The following SPAG16 variants were observed in gnomAD, a reference collection of about 807,000 sequenced individuals.
SPAG16 encodes the protein sperm-associated antigen 16 protein.
Under a neutral mutation model 80.4 loss-of-function variants are expected in SPAG16, and 86 were observed. That is an observed-to-expected ratio of 1.07 (90% confidence interval 0.90 to 1.28). The LOEUF (loss-of-function observed/expected upper bound fraction) is 1.28. Ranked by LOEUF, SPAG16 falls within the 50% of genes most tolerant of loss-of-function variation. The pLI is 0.00. For synonymous variants in SPAG16, 294 were observed against 265.9 expected, an observed-to-expected ratio of 1.11 and a Z score of -1.03; for missense variants, 870 against 765.3, an observed-to-expected ratio of 1.14 and a Z score of -1.61.
chr2:214,251,020 G>A (rs1690254329), intron 15 of SPAG16, among the ~76,000 whole-genome samples: 1 of 151,216 alleles, frequency 6.6e-6, no homozygotes, highest in African/African-American at 2.4e-5. Flanking sequence ...TGCACATAAA[G>A]CACTATTGTT....
At chr2:213,398,366 G>A (rs1282068645) in intron 9 of SPAG16, among the ~76,000 whole-genome samples, 1 of 152,064 alleles carries the variant, frequency 6.6e-6, no homozygotes, top group Non-Finnish European at 1.5e-5. Flanking sequence ...TTACAGGTAA[G>A]GTCATTATAA....
intron 15 of SPAG16, among the ~76,000 whole-genome samples, chr2:214,380,738 A>AATG (rs1198872537): frequency 1.3e-5 from 2 of 152,234 alleles, no homozygotes; most frequent in African/African-American, 4.8e-5. Context: ...ACAGAATAGA[A>AATG]ATGATAAGCA....
chr2:213,579,298 G>T (rs997409328), intron 10 of SPAG16, among the ~76,000 whole-genome samples: 2 of 152,100 alleles, frequency 1.3e-5, no homozygotes, highest in African/African-American at 4.8e-5. Flanking sequence ...AAGGGTGATG[G>T]CAGCTATTTC....
intron 10 of SPAG16, among the ~76,000 whole-genome samples, chr2:213,500,011 A>G (rs1167413756): frequency 3.9e-5 from 6 of 152,116 alleles, no homozygotes; most frequent in Non-Finnish European, 5.9e-5. Context: ...ACAGCCAGTT[A>G]ACCTTTAAAC....
intron 12 of SPAG16, among the ~76,000 whole-genome samples, chr2:213,970,207 C>A (rs2044953053): frequency 2.0e-5 from 3 of 151,990 alleles, no homozygotes; most frequent in Admixed American, 1.3e-4. Context: ...TAGGTTTCAG[C>A]CTGTAAATTT....
Position 213,284,570 on chromosome 2 carries a change from G to A in SPAG16, c.87G>A (p.Ala29=), listed in dbSNP as rs1370231371. The A allele has an allele frequency of 6.2e-7, 1 of 1,609,596 alleles. No individual in the cohort carries two copies. The highest frequency in any genetic ancestry group is 1.1e-5 in the South Asian group (1 of 90,334). Residue 29 remains alanine, a synonymous_variant, in exon 1 of 16, where the codon GCG becomes GCA. Transcript: ENST00000331683. ...LGMGLTAAGD[A]RDTADAVAAE... ...TGGGTTTGACGGCAGCCGGGGACGC[G>A]AGGGACACGGCGGACGCGGTGGCGG...
At chr2:214,236,929 C>T (rs1689120861) in intron 15 of SPAG16, among the ~76,000 whole-genome samples, 1 of 152,100 alleles carries the variant, frequency 6.6e-6, no homozygotes, top group Admixed American at 6.5e-5. Flanking sequence ...TTGAATCCTC[C>T]ACCTGGCATT....
At chr2:213,786,007 A>G (rs2125594302) in intron 10 of SPAG16, among the ~76,000 whole-genome samples, 1 of 143,006 alleles carries the variant, frequency 7.0e-6, no homozygotes. Flanking sequence ...AACTCCGTCT[A>G]AAAAAAAAAA....
chr2:213,585,560 G>A (rs76873187), intron 10 of SPAG16, among the ~76,000 whole-genome samples: 2,234 of 152,178 alleles, frequency 0.015, 24 homozygotes, highest in South Asian at 0.036. Flanking sequence ...TATGATGTAA[G>A]TAACCAGCCT....
chr2:213,457,702 A>G (rs2072109613), intron 9 of SPAG16, among the ~76,000 whole-genome samples: 1 of 152,130 alleles, frequency 6.6e-6, no homozygotes, highest in Non-Finnish European at 1.5e-5. Flanking sequence ...TTTTTAATCT[A>G]CATATTTTAC....
intron 9 of SPAG16, among the ~76,000 whole-genome samples, chr2:213,376,056 C>G (rs1390477233): frequency 1.3e-5 from 2 of 151,010 alleles, no homozygotes; most frequent in African/African-American, 2.4e-5. Context: ...AAAATAAAAA[C>G]TAATCACTTT....
chr2:214,171,442 C>G (rs977960055), intron 15 of SPAG16, among the ~76,000 whole-genome samples: 6 of 151,818 alleles, frequency 4.0e-5, no homozygotes, highest in African/African-American at 1.5e-4. Context: ...CAGATGCTAG[C>G]ATATCAATAA....
rs139926715 is a variant in SPAG16, at chr2:214,366,848, G to GAA, written c.1721-43284_1721-43283dup. Among the ~76,000 whole-genome samples the GAA allele has an allele frequency of 4.5e-3, 668 of 149,820 alleles. 4 individuals are homozygous for GAA. Among genetic ancestry groups the GAA allele is most frequent in the African/African-American group, 0.016 (637 of 40,890 alleles). On this transcript the variant is annotated intron_variant, in intron 15 of 15. Coordinates refer to ENST00000331683, the MANE Select transcript of SPAG16 (RefSeq NM_024532.5). ...AGTACCTAAACAGCTTGATATAGTT[G>GAA]AAAAAAAAACACATTTGTTAGCATG...
chr2:213,562,432 G>C (rs1231492386), intron 10 of SPAG16, among the ~76,000 whole-genome samples: 1 of 152,012 alleles, frequency 6.6e-6, no homozygotes, highest in African/African-American at 2.4e-5. Flanking sequence ...ATACAAATAT[G>C]GATATTGACT....
At chr2:213,329,251 G>T (rs909611032) in intron 5 of SPAG16, among the ~76,000 whole-genome samples, 1 of 152,216 alleles carries the variant, frequency 6.6e-6, no homozygotes, top group African/African-American at 2.4e-5. Flanking sequence ...GCAGAGGTTG[G>T]AACAGTTTGG....
chr2:214,247,516 A>G (rs1407726251), intron 15 of SPAG16, among the ~76,000 whole-genome samples: 1 of 152,180 alleles, frequency 6.6e-6, no homozygotes, highest in African/African-American at 2.4e-5. Flanking sequence ...TACAAGAAAC[A>G]GTGATTAATT....
intron 15 of SPAG16, among the ~76,000 whole-genome samples, chr2:214,362,531 C>A (rs934362573): frequency 6.6e-6 from 1 of 151,670 alleles, no homozygotes; most frequent in African/African-American, 2.4e-5. Flanking sequence ...TTTCTTAATG[C>A]GGGGAATCCT....
chr2:213,547,919 T>A (rs573013980), intron 10 of SPAG16, among the ~76,000 whole-genome samples: 2 of 152,342 alleles, frequency 1.3e-5, no homozygotes, highest in African/African-American at 4.8e-5. Flanking sequence ...GAACTTCATA[T>A]CTACATTGTA....
At chr2:213,911,744 AG>A (rs531680669) in intron 11 of SPAG16, among the ~76,000 whole-genome samples, 1 of 151,614 alleles carries the variant, frequency 6.6e-6, no homozygotes, top group East Asian at 2.0e-4. Flanking sequence ...TGAGAGGCCT[AG>A]GAGAGGCAGC....
Sources: allele counts gnomAD v4.1 joint callset (sites outside exome capture counted in the v4.1 genomes callset), GRCh38; gene constraint gnomAD v4.1.1; transcripts MANE v1.5; gene names NCBI Gene and HGNC (gene_info 2026-07-23, HGNC 2026-07-21).